Variants in MND1 observed in about 807,000 individuals in gnomAD.
MND1 encodes the protein meiotic nuclear division protein 1 homolog.
A neutral mutation model predicts 35.1 loss-of-function variants in MND1; 28 were observed. That is an observed-to-expected ratio of 0.80 (90% confidence interval 0.59 to 1.09). MND1 has a LOEUF of 1.09. Among genes scored for constraint, MND1 ranks in the 50% least tolerant of loss-of-function variants. MND1 has a pLI of 0.00. For missense variants in MND1, 213 were observed against 239.6 expected (o/e 0.89, Z 0.73); for synonymous variants, 69 against 70.5 (o/e 0.98, Z 0.11).
chr4:153,408,604 T>C (rs1442423248), intron 6 of MND1, among the ~76,000 whole-genome samples: 1 of 152,104 alleles, frequency 6.6e-6, no homozygotes, highest in Non-Finnish European at 1.5e-5. Flanking sequence ...ATTTAACTTA[T>C]TTTGTTGTAT....
At chr4:153,376,040 T>C (rs1056397202) in intron 4 of MND1, among the ~76,000 whole-genome samples, 4 of 150,110 alleles carry the variant, frequency 2.7e-5, no homozygotes, top group Non-Finnish European at 5.9e-5. Flanking sequence ...TATATGTAAA[T>C]TTTTTTAGTA....
At chr4:153,361,694 C>T (rs536968270) in intron 4 of MND1, 53 of 368,884 alleles carry the variant, frequency 1.4e-4, no homozygotes, top group African/African-American at 8.1e-4. Context: ...AAAAAATAGC[C>T]GGGCGTGGTG....
At chr4:153,399,625 A>G (rs1485062534) in intron 6 of MND1, among the ~76,000 whole-genome samples, 1 of 152,188 alleles carries the variant, frequency 6.6e-6, no homozygotes, top group Non-Finnish European at 1.5e-5. Context: ...CTCTTAGGTA[A>G]TAAAACTTCA....
At chr4:153,381,667 A>ATATATAT (rs1554011382) in intron 4 of MND1, 2 of 25,460 alleles carry the variant, frequency 7.9e-5, no homozygotes, top group East Asian at 2.8e-3. Context: ...TATATAATAT[A>ATATATAT]ATATATATAT....
At chr4:153,352,011 G>A (rs1354737662) in intron 2 of MND1, among the ~76,000 whole-genome samples, 1 of 151,220 alleles carries the variant, frequency 6.6e-6, no homozygotes, top group African/African-American at 2.4e-5. Flanking sequence ...AATCATAAGT[G>A]GGCTGTCTGT....
intron 2 of MND1, among the ~76,000 whole-genome samples, chr4:153,351,935 T>C (rs1379158296): frequency 6.6e-6 from 1 of 152,214 alleles, no homozygotes; most frequent in Non-Finnish European, 1.5e-5. Context: ...TTGTTACCTA[T>C]AGTGAACAAA....
At chr4:153,391,200 G>A (rs1242442821) in intron 4 of MND1, among the ~76,000 whole-genome samples, 1 of 151,760 alleles carries the variant, frequency 6.6e-6, no homozygotes, top group East Asian at 1.9e-4. Context: ...GTATCACCCT[G>A]TTGCCCAGGC....
At position 153,397,375 on chromosome 4, in the gene MND1, TGAA is replaced by T. The variant is rs373876564; in HGVS notation, c.466+48_466+50del. The T allele has an allele frequency of 1.1e-3, 1,566 of 1,411,620 alleles. 18 individuals carry two copies. The African/African-American group carries it at 0.019, about 17-fold the overall frequency. The allele number at this position is 1,411,620 out of a possible 1,614,324, so 87.4% of individuals were successfully genotyped here. A position where few individuals can be genotyped will look rare whatever the true frequency, so the allele number is the denominator to read the frequency against. On this transcript the variant is annotated intron_variant, in intron 6 of 7. Transcript: ENST00000240488. ...CCTTAGGGATCTTTAACTTTGATAA[TGAA>T]GAAGACTTTATTTTTCTAGTTGCCT...
chr4:153,392,966 T>C (rs1729087281), intron 4 of MND1, among the ~76,000 whole-genome samples: 1 of 151,906 alleles, frequency 6.6e-6, no homozygotes, highest in Admixed American at 6.6e-5. Flanking sequence ...GAAAAAATTA[T>C]TAAAATAGCT....
At chr4:153,399,875 T>G (rs1344098605) in intron 6 of MND1, among the ~76,000 whole-genome samples, 1 of 151,114 alleles carries the variant, frequency 6.6e-6, no homozygotes, top group Non-Finnish European at 1.5e-5. Context: ...TGAAATTTTC[T>G]GTTTTTTCAG....
intron 1 of MND1, among the ~76,000 whole-genome samples, chr4:153,347,045 C>T (rs1773092327): frequency 6.6e-6 from 1 of 152,084 alleles, no homozygotes; most frequent in Non-Finnish European, 1.5e-5. Context: ...AATATGTTGC[C>T]CAGGTCCCAT....
At chr4:153,394,650 T>C (rs1305747427) in intron 5 of MND1, among the ~76,000 whole-genome samples, 1 of 152,198 alleles carries the variant, frequency 6.6e-6, no homozygotes, top group Non-Finnish European at 1.5e-5. Context: ...CATTGCGTTA[T>C]TGTGTGGATT....
At chr4:153,395,098 T>C (rs1729161946) in intron 5 of MND1, among the ~76,000 whole-genome samples, 1 of 152,226 alleles carries the variant, frequency 6.6e-6, no homozygotes, top group South Asian at 2.1e-4. Flanking sequence ...CTTTATGCTT[T>C]CAAAGTTATT....
Position 153,358,550 on chromosome 4 carries a change from T to C in MND1, c.204T>C (p.Ser68=). The C allele has an allele frequency of 6.2e-7, 1 of 1,613,746 alleles. No homozygotes were observed. The highest frequency in any genetic ancestry group is 1.3e-5 in the African/African-American group (1 of 75,052). ...TTGACTGTGAGAGGATCGGAACTTC[T>C]AATTATTATTGGGCTTTTCCAAGTA... ...GMVDCERIGT[S]NYYWAFPSKA... The change falls in exon 4 of 8, where the codon TCT becomes TCC. Residue 68 remains serine, a synonymous_variant. Transcript: ENST00000240488.
At chr4:153,381,024 C>G (rs1478802744) in intron 4 of MND1, among the ~76,000 whole-genome samples, 2 of 151,896 alleles carry the variant, frequency 1.3e-5, no homozygotes, top group Non-Finnish European at 2.9e-5. Context: ...CTCAGCCTCC[C>G]AAGTAGCTGG....
At chr4:153,391,132 G>T (rs1729021143) in intron 4 of MND1, among the ~76,000 whole-genome samples, 1 of 151,772 alleles carries the variant, frequency 6.6e-6, no homozygotes, top group Non-Finnish European at 1.5e-5. Flanking sequence ...AGTCCAGGTA[G>T]GTCCTTCAGG....
intron 4 of MND1, among the ~76,000 whole-genome samples, chr4:153,359,668 C>T (rs1773431623): frequency 6.6e-6 from 1 of 152,052 alleles, no homozygotes; most frequent in Admixed American, 6.6e-5. Context: ...ACATCACTGC[C>T]AGGATTTGGT....
At chr4:153,412,690 T>C (rs1729718605) in intron 7 of MND1, among the ~76,000 whole-genome samples, 1 of 151,336 alleles carries the variant, frequency 6.6e-6, no homozygotes, top group African/African-American at 2.4e-5. Context: ...TTCACCATGT[T>C]GGCCAGACTG....
At chr4:153,408,912 G>GTATATATATATATATA (rs10552163) in intron 6 of MND1, 59 bp from the exon 7 acceptor site, 13 of 318,422 alleles carry the variant, frequency 4.1e-5, no homozygotes, top group African/African-American at 1.8e-4. Flanking sequence ...CATTTTGTGT[G>GTATATATATATATATA]TATATATATA....
Sources: allele counts gnomAD v4.1 joint callset (sites outside exome capture counted in the v4.1 genomes callset), GRCh38; gene constraint gnomAD v4.1.1; transcripts MANE v1.5; gene names NCBI Gene and HGNC (gene_info 2026-07-23, HGNC 2026-07-21).